The following GRIN2A variants were observed in gnomAD, a reference collection of about 807,000 sequenced individuals.
The protein encoded by GRIN2A is glutamate ionotropic receptor NMDA type subunit 2A.
A neutral mutation model predicts 113.4 loss-of-function variants in GRIN2A; 22 were observed. The observed-to-expected ratio is 0.19, with a 90% CI of 0.14 to 0.28. The LOEUF is 0.28. Among genes scored for constraint, GRIN2A ranks in the 10% least tolerant of loss-of-function variants. The pLI, the probability that GRIN2A is intolerant of heterozygous loss-of-function variation, is 1.00. For missense variants in GRIN2A, 1,502 were observed against 1,887.0 expected (o/e 0.80, Z 3.78); for synonymous variants, 827 against 738.4 (o/e 1.12, Z -1.94).
At chr16:9,866,017 G>C (rs1375706950) in intron 4 of GRIN2A, among the ~76,000 whole-genome samples, 3 of 152,302 alleles carry the variant, frequency 2.0e-5, no homozygotes, top group South Asian at 2.1e-4. Flanking sequence ...TTGCCATAGA[G>C]AGAGTATGGC....
intron 7 of GRIN2A, among the ~76,000 whole-genome samples, chr16:9,837,994 T>C (rs1034311622): frequency 1.3e-5 from 2 of 152,206 alleles, no homozygotes; most frequent in African/African-American, 4.8e-5. Flanking sequence ...GCGCTCTGAA[T>C]GTAAGGCAGT....
intron 2 of GRIN2A, among the ~76,000 whole-genome samples, chr16:9,950,958 G>A (rs2045165070): frequency 6.6e-6 from 1 of 152,152 alleles, no homozygotes; most frequent in African/African-American, 2.4e-5. Context: ...TAGTATTAAT[G>A]TCTAATGTCA....
At chr16:10,170,242 T>A (rs2050014535) in intron 2 of GRIN2A, among the ~76,000 whole-genome samples, 1 of 152,176 alleles carries the variant, frequency 6.6e-6, no homozygotes, top group Non-Finnish European at 1.5e-5. Context: ...GAGTTGGATG[T>A]GATAGTTGGA....
chr16:10,072,428 G>A (rs2047772270), intron 2 of GRIN2A, among the ~76,000 whole-genome samples: 1 of 152,234 alleles, frequency 6.6e-6, no homozygotes, highest in Non-Finnish European at 1.5e-5. Context: ...AGCTTTGGCT[G>A]CAATTTGGAA....
chr16:9,969,666 A>G (rs1236297704), intron 2 of GRIN2A, among the ~76,000 whole-genome samples: 1 of 152,158 alleles, frequency 6.6e-6, no homozygotes, highest in Non-Finnish European at 1.5e-5. Flanking sequence ...GGTTCTCAAC[A>G]TGCAATGACT....
At position 9,754,370 on chromosome 16, in the gene GRIN2A, G is replaced by A. The variant is rs1214711827; in HGVS notation, c.*8779C>T. 1.4e-5 allele frequency: 3 copies of A among 208,910 alleles called. No homozygotes were observed. The highest frequency in any genetic ancestry group is 2.3e-5 in the African/African-American group (1 of 44,054). The allele number at this position is 208,910 out of a possible 1,614,324, so 12.9% of individuals were successfully genotyped here. On this transcript the variant is annotated 3_prime_UTR_variant, in exon 13 of 13. Transcript: ENST00000330684. The stretch of plus-strand genomic sequence containing the variant: ...AGCCACATCTAACTATGTCACTGCT[G>A]TGTCAAGCAGTTTTCTGAATTTTCT...
intron 4 of GRIN2A, among the ~76,000 whole-genome samples, chr16:9,876,138 C>T (rs1004986044): frequency 6.6e-6 from 1 of 152,090 alleles, no homozygotes; most frequent in Non-Finnish European, 1.5e-5. Flanking sequence ...GGGCATAAAA[C>T]CCCTCGTGGC....
chr16:9,914,208 CA>C (rs1416111656), intron 3 of GRIN2A, among the ~76,000 whole-genome samples: 1 of 152,020 alleles, frequency 6.6e-6, no homozygotes, highest in Admixed American at 6.5e-5. Flanking sequence ...AAAAAAACGG[CA>C]AATCTTAGTA....
rs2046339158 is a variant in GRIN2A, at chr16:10,002,544, A to C, written c.415-63993T>G. Among the ~76,000 whole-genome samples the C allele has an allele frequency of 2.0e-5, 3 of 152,302 alleles. No homozygotes were observed. The East Asian group carries it at 5.8e-4, about 29-fold the overall frequency. On this transcript the variant is annotated intron_variant, in intron 2 of 12. Transcript: ENST00000330684. ...CATCTATAGGTACCTTCCTCACAGT[A>C]AGCCTGGAACTCCATGAGAGAAGTT...
chr16:9,785,159 A>G (rs1902160609), intron 11 of GRIN2A, among the ~76,000 whole-genome samples: 1 of 152,176 alleles, frequency 6.6e-6, no homozygotes, highest in Non-Finnish European at 1.5e-5. Context: ...TTGCAGCACT[A>G]TTCACAATAG....
chr16:10,078,447 G>C (rs2047916860), intron 2 of GRIN2A, among the ~76,000 whole-genome samples: 1 of 148,872 alleles, frequency 6.7e-6, no homozygotes, highest in Non-Finnish European at 1.5e-5. Flanking sequence ...ATGTCCTTGT[G>C]GCAGATTAGG....
intron 10 of GRIN2A, among the ~76,000 whole-genome samples, chr16:9,808,576 T>C (rs2042026517): frequency 6.6e-6 from 1 of 152,106 alleles, no homozygotes; most frequent in Non-Finnish European, 1.5e-5. Context: ...TCAGAGGAAT[T>C]CCAGGAAATA....
At chr16:9,967,145 A>G (rs1463037873) in intron 2 of GRIN2A, among the ~76,000 whole-genome samples, 1 of 152,186 alleles carries the variant, frequency 6.6e-6, no homozygotes, top group African/African-American at 2.4e-5. Flanking sequence ...CTCTGTGGTA[A>G]TAAAGAATAT....
intron 3 of GRIN2A, among the ~76,000 whole-genome samples, chr16:9,936,571 A>T (rs1450024913): frequency 6.6e-6 from 1 of 152,180 alleles, no homozygotes; most frequent in African/African-American, 2.4e-5. Flanking sequence ...GATCATTCTA[A>T]ATCTCAACAG....
intron 2 of GRIN2A, among the ~76,000 whole-genome samples, chr16:10,077,199 C>T (rs2047889414): frequency 1.3e-5 from 2 of 152,166 alleles, no homozygotes; most frequent in Non-Finnish European, 2.9e-5. Context: ...CAGCACTGCA[C>T]CTTGATTTTA....
intron 2 of GRIN2A, among the ~76,000 whole-genome samples, chr16:9,991,435 C>T (rs1402596229): frequency 1.3e-5 from 2 of 152,156 alleles, no homozygotes; most frequent in Non-Finnish European, 2.9e-5. Context: ...AGGGATACAA[C>T]TGCATTTTTG....
chr16:9,902,959 T>TTTGGGG (rs1491446907), intron 3 of GRIN2A, among the ~76,000 whole-genome samples: 1 of 24,832 alleles, frequency 4.0e-5, no homozygotes, highest in Non-Finnish European at 6.6e-5. Flanking sequence ...TTTTTTTTTT[T>TTTGGGG]GGCGGGGGGG....
intron 11 of GRIN2A, among the ~76,000 whole-genome samples, chr16:9,783,715 C>G (rs1255634478): frequency 2.6e-5 from 4 of 152,206 alleles, no homozygotes; most frequent in Admixed American, 6.5e-5. Context: ...TGGACCCCAA[C>G]TGAGTGATTG....
chr16:10,062,528 C>T (rs1347963598), intron 2 of GRIN2A, among the ~76,000 whole-genome samples: 1 of 152,124 alleles, frequency 6.6e-6, no homozygotes, highest in Non-Finnish European at 1.5e-5. Context: ...ACAAGCTTTC[C>T]AGGTGACTGA....
Sources: allele counts gnomAD v4.1 joint callset (sites outside exome capture counted in the v4.1 genomes callset), GRCh38; gene constraint gnomAD v4.1.1; transcripts MANE v1.5; gene names NCBI Gene and HGNC (gene_info 2026-07-23, HGNC 2026-07-21).